Variants in PTPRD observed in about 807,000 individuals in gnomAD.
PTPRD encodes the protein receptor-type tyrosine-protein phosphatase delta.
In PTPRD, 34 loss-of-function variants were observed where a neutral mutation model predicts 214.5. The ratio of observed to expected loss-of-function variants is 0.16; its 90% CI spans 0.12 to 0.21. The LOEUF (loss-of-function observed/expected upper bound fraction) is 0.21, where lower values mean the gene tolerates loss of function less well. Ranked by LOEUF, PTPRD falls within the 10% of genes least tolerant of loss-of-function variation. PTPRD has a pLI of 1.00. For synonymous variants in PTPRD, 1,128 were observed against 845.7 expected (o/e 1.33, Z -5.79); for missense variants, 2,545 against 2,398.7 (o/e 1.06, Z -1.27).
At chr9:8,752,649 C>A (rs909841939) in intron 11 of PTPRD, among the ~76,000 whole-genome samples, 5 of 152,160 alleles carry the variant, frequency 3.3e-5, no homozygotes, top group Non-Finnish European at 7.3e-5. Flanking sequence ...ACCACACAAA[C>A]GAGCCCAGAC....
intron 5 of PTPRD, among the ~76,000 whole-genome samples, chr9:9,898,221 A>G (rs1237782312): frequency 1.3e-5 from 2 of 152,134 alleles, no homozygotes; most frequent in Non-Finnish European, 2.9e-5. Context: ...ATAGAGGTCT[A>G]TATCAATGCG....
At chr9:9,974,515 T>C (rs1460329610) in intron 4 of PTPRD, among the ~76,000 whole-genome samples, 1 of 152,226 alleles carries the variant, frequency 6.6e-6, no homozygotes, top group African/African-American at 2.4e-5. Flanking sequence ...AAGGATATTT[T>C]ATATTTTTCT....
chr9:9,437,147 G>A (rs2085608225), intron 8 of PTPRD, among the ~76,000 whole-genome samples: 1 of 152,212 alleles, frequency 6.6e-6, no homozygotes. Flanking sequence ...TTTATTGGCA[G>A]AGGGCTGAGA....
At chr9:10,257,892 C>T (rs929437610) in intron 3 of PTPRD, among the ~76,000 whole-genome samples, 2 of 152,102 alleles carry the variant, frequency 1.3e-5, no homozygotes, top group Admixed American at 1.3e-4. Context: ...AAAATAACAC[C>T]CTTTCTGTGG....
At chr9:10,274,019 C>G (rs1200835441) in intron 3 of PTPRD, among the ~76,000 whole-genome samples, 1 of 152,056 alleles carries the variant, frequency 6.6e-6, no homozygotes, top group South Asian at 2.1e-4. Context: ...TGTTTGTATC[C>G]TCCTAACAGA....
At chr9:10,245,175 T>A (rs2091873564) in intron 3 of PTPRD, among the ~76,000 whole-genome samples, 1 of 152,132 alleles carries the variant, frequency 6.6e-6, no homozygotes, top group Non-Finnish European at 1.5e-5. Context: ...GAGCAAAATG[T>A]AGATTCCAAC....
chr9:9,234,000 C>A (rs1041395924), intron 9 of PTPRD, among the ~76,000 whole-genome samples: 1 of 152,160 alleles, frequency 6.6e-6, no homozygotes, highest in Non-Finnish European at 1.5e-5. Context: ...CAAAGCTCCA[C>A]TAGGTAGTGC....
chr9:10,440,974 A>G (rs1019888384), intron 2 of PTPRD, among the ~76,000 whole-genome samples: 1 of 151,706 alleles, frequency 6.6e-6, no homozygotes, highest in African/African-American at 2.4e-5. Flanking sequence ...AATCAAAATC[A>G]TTTTTTACTC....
At chr9:8,900,322 A>G (rs2098657409) in intron 11 of PTPRD, among the ~76,000 whole-genome samples, 1 of 152,210 alleles carries the variant, frequency 6.6e-6, no homozygotes, top group African/African-American at 2.4e-5. Context: ...GAATGAAGAT[A>G]TTGACATTTA....
At chr9:9,260,837 G>A (rs749440605) in intron 9 of PTPRD, among the ~76,000 whole-genome samples, 1 of 151,770 alleles carries the variant, frequency 6.6e-6, no homozygotes, top group African/African-American at 2.4e-5. Context: ...GAAATACAAG[G>A]CATGACAATC....
intron 8 of PTPRD, among the ~76,000 whole-genome samples, chr9:9,515,309 C>T (rs985148082): frequency 2.0e-5 from 3 of 151,892 alleles, no homozygotes; most frequent in African/African-American, 7.3e-5. Flanking sequence ...TTGGAGTCTC[C>T]AAGTTTGAAT....
intron 40 of PTPRD, among the ~76,000 whole-genome samples, 167 bp downstream of exon 40, chr9:8,341,526 A>G (rs957834652): frequency 6.6e-6 from 1 of 152,114 alleles, no homozygotes; most frequent in African/African-American, 2.4e-5. Flanking sequence ...GGAAGCAAAG[A>G]ATAGAAGAGG....
chr9:8,473,676 T>A (rs1591446186), intron 30 of PTPRD, among the ~76,000 whole-genome samples: 1 of 152,080 alleles, frequency 6.6e-6, no homozygotes. Flanking sequence ...GAGTTGCCAT[T>A]CTTGTACATG....
chr9:8,391,855 G>C (rs1215024060), intron 36 of PTPRD, among the ~76,000 whole-genome samples: 1 of 152,122 alleles, frequency 6.6e-6, no homozygotes, highest in Non-Finnish European at 1.5e-5. Flanking sequence ...CATTCCTAAA[G>C]ACAGGGAATC....
intron 36 of PTPRD, among the ~76,000 whole-genome samples, chr9:8,392,828 T>C (rs989985564): frequency 2.0e-4 from 31 of 152,186 alleles, no homozygotes; most frequent in African/African-American, 7.5e-4. Context: ...TAATGAGTCC[T>C]GTATTCATAA....
intron 8 of PTPRD, among the ~76,000 whole-genome samples, chr9:9,474,685 T>A (rs2094891088): frequency 6.6e-6 from 1 of 151,894 alleles, no homozygotes; most frequent in Non-Finnish European, 1.5e-5. Flanking sequence ...TCCTAGGGTT[T>A]TTTTTGTAGC....
chr9:8,499,542 T>C (rs1012315986), intron 25 of PTPRD, 105 bp downstream of exon 25: 5 of 1,173,180 alleles, frequency 4.3e-6, no homozygotes, highest in Middle Eastern at 2.9e-4. Context: ...GAATTTTGTA[T>C]AGGATTTTTT....
intron 11 of PTPRD, among the ~76,000 whole-genome samples, chr9:8,826,883 T>A (rs2097186611): frequency 6.6e-6 from 1 of 152,080 alleles, no homozygotes; most frequent in Admixed American, 6.6e-5. Context: ...CTGGTTCTCA[T>A]CATATCTTTA....
chr9:9,945,919 G>C (rs997844009), intron 4 of PTPRD, among the ~76,000 whole-genome samples: 2 of 151,994 alleles, frequency 1.3e-5, no homozygotes, highest in African/African-American at 4.8e-5. Flanking sequence ...ACTGACATTT[G>C]TAAATAACCA....
Sources: gnomAD v4.1 joint callset for allele counts (sites outside exome capture counted in the v4.1 genomes callset) on GRCh38, gnomAD v4.1.1 for gene constraint, MANE v1.5 for transcripts, NCBI Gene and HGNC (gene_info 2026-07-23, HGNC 2026-07-21) for gene names.